ACAP3: variants seen among roughly 807,000 people sequenced by gnomAD.
ACAP3 encodes the protein arf-GAP with coiled-coil, ANK repeat and PH domain-containing protein 3.
ACAP3 carries 56 observed loss-of-function variants against 104.1 expected under a neutral mutation model. The ratio of observed to expected loss-of-function variants is 0.54; its 90% CI spans 0.43 to 0.67. The LOEUF is 0.67. ACAP3 is among the 30% of genes least tolerant of loss of function. ACAP3 has a pLI of 0.00. For synonymous variants in ACAP3, 628 were observed against 496.2 expected, an observed-to-expected ratio of 1.27 and a Z score of -3.53; for missense variants, 1,208 against 1,174.9, an observed-to-expected ratio of 1.03 and a Z score of -0.41.
In ACAP3 at chr1:1,303,237, G is replaced by A. The variant is rs370764026; in HGVS notation, c.150C>T (p.Tyr50=). ...CSGMVEAGKA[Y]VSTSRLFVSG... The stretch of plus-strand genomic sequence containing the variant: ...TCACGAAAAGCCTGCTGGTGCTGAC[G>A]TAGGCCTTACCGGCTTCCACCATGC... The change falls in exon 3 of 24, where the codon TAC becomes TAT. Residue 50 remains tyrosine (Y), a synonymous_variant. Transcript: ENST00000354700. This position sits in a 1 kb window ranked among gnomAD's most constrained non-coding sequence, Gnocchi z 4.0. 1.7e-5 allele frequency: 28 copies of A among 1,604,976 alleles called. No homozygotes were observed. In the South Asian group the frequency reaches 1.8e-4, roughly 10 times the overall value.
intron 1 of ACAP3, 142 bp downstream of exon 1, chr1:1,307,627 G>A: frequency 1.1e-6 from 1 of 950,764 alleles, no homozygotes; most frequent in African/African-American, 1.8e-5. Flanking sequence ...CGGGGCCGCC[G>A]CTTTGTCCGA....
In ACAP3 at chr1:1,293,726, G is replaced by A. The variant is rs751228198; in HGVS notation, c.2361-18C>T. On this transcript the variant is annotated intron_variant, in intron 23 of 23. Transcript: ENST00000354700. ...GACGGAGCCTACGGGGAGGCACAGCGTGAGACGCCCCTGCCCTGGAGGCCC... is the reference window on the plus strand; with the variant it reads ...GACGGAGCCTACGGGGAGGCACAGCATGAGACGCCCCTGCCCTGGAGGCCC... 15 of 892,640 alleles carry A rather than the reference G, an allele frequency of 1.7e-5. No individual in the cohort carries two copies. The highest frequency in any genetic ancestry group is 1.1e-4 in the East Asian group (1 of 9,034). 55.3% of individuals were successfully genotyped at this position (892,640 alleles called of 1,614,324 possible). A position where few individuals can be genotyped will look rare whatever the true frequency, so the allele number is the denominator to read the frequency against.
intron 1 of ACAP3, chr1:1,307,306 T>C: frequency 7.8e-7 from 1 of 1,289,136 alleles, no homozygotes; most frequent in Non-Finnish European, 1.0e-6. Flanking sequence ...CCTGGGTCAT[T>C]CAAACCACTT....
intron 14 of ACAP3, among the ~76,000 whole-genome samples, chr1:1,296,882 C>T (rs1409313470): frequency 3.3e-5 from 5 of 152,132 alleles, no homozygotes; most frequent in South Asian, 2.1e-4. Context: ...CGCACACGCA[C>T]GTACGTGTGC....
chr1:1,294,028 C>G, intron 22 of ACAP3, 62 bp downstream of exon 22: 1 of 1,485,816 alleles, frequency 6.7e-7, no homozygotes, highest in East Asian at 2.6e-5. Flanking sequence ...GCGGACAGGG[C>G]GTAGCCGGGC....
Position 1,295,462 on chromosome 1 carries a change from C to T in ACAP3, c.1798G>A (p.Gly600Arg), listed in dbSNP as rs1167640646. 2.5e-6 allele frequency: 4 copies of T among 1,612,350 alleles called. No homozygotes were observed. The highest frequency in any genetic ancestry group is 4.5e-5 in the East Asian group (2 of 44,888). Residue 600 changes from glycine (G) to arginine (R), a missense_variant, in exon 19 of 24, where the codon GGG becomes AGG. Gly to Arg is a moderately radical substitution (Grantham distance 125). Transcript: ENST00000354700. Reference sequence around the variant, plus strand: ...CCACACTTACTGCGAGGGCCAGCCCCTGCGGCCCCTGCGTCGAAGTAGGAG... The same window carrying T: ...CCACACTTACTGCGAGGGCCAGCCCTTGCGGCCCCTGCGTCGAAGTAGGAG... ...LFSYFDAGAA[G>R]AGPRSLSSDS...
At chr1:1,298,924 C>G (rs1451065203) in intron 10 of ACAP3, 1 of 571,264 alleles carries the variant, frequency 1.8e-6, no homozygotes, top group African/African-American at 1.9e-5. Flanking sequence ...GAGTGCCGGC[C>G]CCACCCCAGC....
At position 1,293,630 on chromosome 1, in the gene ACAP3, G is replaced by T; in HGVS notation, c.2439C>A (p.Ser813Arg). The T allele has an allele frequency of 6.7e-7, 1 of 1,489,612 alleles. No individual in the cohort carries two copies. The highest frequency in any genetic ancestry group is 8.9e-7 in the Non-Finnish European group (1 of 1,126,502). 92.3% of individuals were successfully genotyped at this position (1,489,612 alleles called of 1,614,324 possible). ...APGPPGALAG[S>R]PTELQFRRCI... The stretch of plus-strand genomic sequence containing the variant: ...ACCTGCGGAACTGGAGCTCCGTGGG[G>T]CTGCCCGCCAGGGCGCCCGGGGGAC... Residue 813 changes from serine to arginine, a missense_variant, in exon 24 of 24, where the codon AGC becomes AGA. Ser to Arg is a moderately radical substitution (Grantham distance 110). Coordinates refer to ENST00000354700, the MANE Select transcript of ACAP3 (RefSeq NM_030649.3).
In ACAP3 at chr1:1,293,535, G is replaced by A. The variant is rs1359858124; in HGVS notation, c.*29C>T. On this transcript the variant is annotated 3_prime_UTR_variant, in exon 24 of 24. Transcript: ENST00000354700. ...GGGCATGCGGGGCGTCGGGCCGGGC[G>A]GGGTGGCAGCTGCCCGGCCTGCCCG... 7.0e-5 allele frequency: 100 copies of A among 1,435,382 alleles called. No homozygotes were observed. The East Asian group carries it at 3.1e-3, about 44-fold the overall frequency. 88.9% of individuals were successfully genotyped at this position (1,435,382 alleles called of 1,614,324 possible). A position where few individuals can be genotyped will look rare whatever the true frequency, so the allele number is the denominator to read the frequency against.
rs907225429 is a variant in ACAP3, at chr1:1,293,211, AAC to A, written c.*351_*352del. ...TCTGGGCAGAAGTGGGGCACGAAGT[AAC>A]ACAGGCCCTGAGGACACAGGGACAC... On this transcript the variant is annotated 3_prime_UTR_variant, in exon 24 of 24. Coordinates refer to ENST00000354700, the MANE Select transcript of ACAP3 (RefSeq NM_030649.3). 8.2e-5 allele frequency: 14 copies of A among 171,444 alleles called. No individual in the cohort carries two copies. The highest frequency in any genetic ancestry group is 1.2e-4 in the Non-Finnish European group (10 of 81,606). 10.6% of individuals were successfully genotyped at this position (171,444 alleles called of 1,614,324 possible).
In ACAP3 at chr1:1,300,496, T is replaced by G; in HGVS notation, c.522+13A>C. The G allele has an allele frequency of 6.2e-7, 1 of 1,601,708 alleles. No homozygotes were observed. The highest frequency in any genetic ancestry group is 2.2e-5 in the East Asian group (1 of 44,594). The stretch of plus-strand genomic sequence containing the variant: ...AGCTGGTCCCCGCCCCCCAGCCCAT[T>G]TCTGGGGCTGACCTGGAGCACATAG... On this transcript the variant is annotated intron_variant, in intron 6 of 23. Transcript: ENST00000354700.
chr1:1,296,389 C>G, intron 15 of ACAP3, 36 bp downstream of exon 15: 1 of 1,532,752 alleles, frequency 6.5e-7, no homozygotes, highest in Non-Finnish European at 8.7e-7. Flanking sequence ...TGCTCCAGCC[C>G]AACCCCCACC....
At chr1:1,299,790 C>A in intron 9 of ACAP3, 41 bp downstream of exon 9, 1 of 1,526,810 alleles carries the variant, frequency 6.5e-7, no homozygotes, top group Non-Finnish European at 8.8e-7. Flanking sequence ...CAGGGGCCTC[C>A]CAGGCGCCTG....
chr1:1,307,609 TGGCGG>T lies in ACAP3; in HGVS notation c.47+155_47+159del, dbSNP rs558925658. ...GTCTTTTGTTCCAACCCCCGGGGCATGGCGGGGCGGGGCCGCCGCTTTGTCCGAGG... is the reference window on the plus strand; with the variant it reads ...GTCTTTTGTTCCAACCCCCGGGGCATGGCGGGGCCGCCGCTTTGTCCGAGG... On this transcript the variant is annotated intron_variant, in intron 1 of 23. Coordinates refer to ENST00000354700, the MANE Select transcript of ACAP3 (RefSeq NM_030649.3). Among the ~76,000 whole-genome samples, 13 of 151,998 alleles carry T rather than the reference TGGCGG, an allele frequency of 8.6e-5. 1 individual carries two copies. In the South Asian group the frequency reaches 2.7e-3, roughly 32 times the overall value.
intron 1 of ACAP3, chr1:1,307,393 G>C (rs759125890): frequency 2.3e-6 from 3 of 1,290,900 alleles, no homozygotes; most frequent in Non-Finnish European, 3.0e-6. Flanking sequence ...TCTGGACACA[G>C]GATCAAGTCA....
rs762618666 is a variant in ACAP3, at chr1:1,299,366, C to T, written c.739-10G>A. The T allele has an allele frequency of 6.4e-7, 1 of 1,566,856 alleles. No homozygotes were observed. ...TTACCTGCAGCAGCGTCTGGAGGGCCGGAGCAGGAGGGGGTAGGGGGAGAA... is the reference window on the plus strand; with the variant it reads ...TTACCTGCAGCAGCGTCTGGAGGGCTGGAGCAGGAGGGGGTAGGGGGAGAA... On this transcript the variant is annotated splice_polypyrimidine_tract_variant and intron_variant, in intron 9 of 23. Transcript: ENST00000354700.
Position 1,303,370 on chromosome 1 carries a change from C to A in ACAP3, c.106-89G>T. 1 of 1,509,526 alleles carries A rather than the reference C, an allele frequency of 6.6e-7. No homozygotes were observed. Among genetic ancestry groups the A allele is most frequent in the Non-Finnish European group, 8.9e-7 (1 of 1,125,234 alleles). 93.5% of individuals were successfully genotyped at this position (1,509,526 alleles called of 1,614,324 possible). A position where few individuals can be genotyped will look rare whatever the true frequency, so the allele number is the denominator to read the frequency against. The stretch of plus-strand genomic sequence containing the variant: ...GGCCACTCAGAGGCAGGAAGAGCTC[C>A]CAGGGTAGGTTCCACTCAGGGCGTT... On this transcript the variant is annotated intron_variant, in intron 2 of 23. Transcript: ENST00000354700. The surrounding 1 kb of genome is among the most constrained non-coding windows in gnomAD (Gnocchi z 4.0).
At position 1,294,396 on chromosome 1, in the gene ACAP3, G is replaced by A. The variant is rs1339292165; in HGVS notation, c.2139+6C>T. On this transcript the variant is annotated splice_donor_region_variant and intron_variant, in intron 21 of 23. Transcript: ENST00000354700. ...GTCCTGCGCGCAGCCCCCGTGGCTC[G>A]CTCACCCCTAGCACGGCCTGCACCA... The A allele has an allele frequency of 5.7e-6, 9 of 1,569,528 alleles. No individual in the cohort carries two copies. The South Asian group carries it at 8.2e-5, about 14-fold the overall frequency.
At position 1,296,879 on chromosome 1, in the gene ACAP3, G is replaced by A. The variant is rs549653205; in HGVS notation, c.1129-246C>T. Among the ~76,000 whole-genome samples the A allele has an allele frequency of 2.6e-5, 4 of 151,930 alleles. No homozygotes were observed. The East Asian group carries it at 5.8e-4, about 22-fold the overall frequency. On this transcript the variant is annotated intron_variant, in intron 14 of 23. Coordinates refer to ENST00000354700, the MANE Select transcript of ACAP3 (RefSeq NM_030649.3). ...TGGCGCCGAGCACACGCCCGCACAC[G>A]CACGTACGTGTGCACACCCTCACGT... is the stretch of plus-strand genomic sequence containing the variant.
Sources: gnomAD v4.1 joint callset for allele counts (sites outside exome capture counted in the v4.1 genomes callset) on GRCh38, gnomAD v4.1.1 for gene constraint, Gnocchi (gnomAD v3.1) non-coding constraint, MANE v1.5 for transcripts, NCBI Gene and HGNC (gene_info 2026-07-23, HGNC 2026-07-21) for gene names.